SNX18: variants seen among roughly 807,000 people sequenced by gnomAD.
SNX18 encodes sorting nexin 18.
Under a neutral mutation model 48.7 loss-of-function variants are expected in SNX18, and 35 were observed. The ratio of observed to expected loss-of-function variants is 0.72; its 90% CI spans 0.55 to 0.95. The LOEUF (loss-of-function observed/expected upper bound fraction) is 0.95, where lower values mean the gene tolerates loss of function less well. Ranked by LOEUF, SNX18 falls within the 40% of genes least tolerant of loss-of-function variation. The pLI is 0.00. For missense variants in SNX18, 824 were observed against 871.0 expected (o/e 0.95, Z 0.68); for synonymous variants, 492 against 384.7 (o/e 1.28, Z -3.26).
At chr5:54,644,933 T>A in the SNX18 span, 1 of 152,232 alleles carries the variant, frequency 6.6e-6, no homozygotes, top group Non-Finnish European at 1.5e-5. Context: ...TCTTACTTTA[T>A]GGACCAAGAG....
At chr5:54,616,838 G>T in the SNX18 span, among the ~76,000 whole-genome samples, 1 of 152,184 alleles carries the variant, frequency 6.6e-6, no homozygotes, top group Middle Eastern at 3.4e-3. Context: ...TTCATAACTT[G>T]CCTGTGTTTT....
At chr5:54,576,937 G>C in the SNX18 span, among the ~76,000 whole-genome samples, 1 of 152,078 alleles carries the variant, frequency 6.6e-6, no homozygotes, top group Admixed American at 6.5e-5. Flanking sequence ...GAGTAGCTGG[G>C]ATTACGGGCG....
intron 1 of SNX18, among the ~76,000 whole-genome samples, chr5:54,542,245 G>A (rs1762485176): frequency 6.6e-6 from 1 of 152,150 alleles, no homozygotes. Context: ...TGCTTTCGGG[G>A]GAGGGCCTGC....
intron 1 of SNX18, among the ~76,000 whole-genome samples, chr5:54,533,720 G>A (rs1023680101): frequency 2.0e-5 from 3 of 152,370 alleles, no homozygotes; most frequent in Non-Finnish European, 4.4e-5. Flanking sequence ...GCACAGGTGT[G>A]CACAGTGCAG....
the SNX18 span, among the ~76,000 whole-genome samples, chr5:54,566,418 C>T: frequency 1.3e-5 from 2 of 152,170 alleles, no homozygotes; most frequent in Non-Finnish European, 2.9e-5. Flanking sequence ...AAATGCCAGC[C>T]AGTACAGGGC....
chr5:54,575,202 C>T, the SNX18 span, among the ~76,000 whole-genome samples: 1 of 151,972 alleles, frequency 6.6e-6, no homozygotes, highest in Non-Finnish European at 1.5e-5. Context: ...AGTCCAGCTA[C>T]CCCAAAGCCA....
At chr5:54,575,368 C>CTT in the SNX18 span, among the ~76,000 whole-genome samples, 303 of 111,678 alleles carry the variant, frequency 2.7e-3, 5 homozygotes, top group African/African-American at 5.7e-3. Context: ...CTCCCCACTG[C>CTT]TTTTTTTTTT....
chr5:54,551,578 C>G (rs1762656487), downstream of SNX18, among the ~76,000 whole-genome samples: 1 of 152,190 alleles, frequency 6.6e-6, no homozygotes, highest in African/African-American at 2.4e-5. Context: ...ATTCTTTGAT[C>G]TACGGAACTC....
chr5:54,560,898 A>G, the SNX18 span, among the ~76,000 whole-genome samples: 1 of 152,210 alleles, frequency 6.6e-6, no homozygotes, highest in Non-Finnish European at 1.5e-5. Context: ...ACCCAAATCC[A>G]TGTTCCTCTT....
chr5:54,518,222 T>A lies in SNX18; in HGVS notation c.270T>A (p.Pro90=). ...NVPPGGFEPL[P]VAPPASFKPP... is the part of the protein sequence containing the mutation. ...CCCCCGGGGGCTTCGAGCCCCTGCC[T>A]GTCGCGCCCCCCGCCTCCTTCAAGC... Residue 90 remains proline (P), a synonymous_variant, in exon 1 of 2, where the codon CCT becomes CCA. Coordinates refer to ENST00000381410, the MANE Select transcript of SNX18 (RefSeq NM_001102575.2). 7.1e-7 allele frequency: 1 copy of A among 1,406,214 alleles called. No individual in the cohort carries two copies. 87.1% of individuals were successfully genotyped at this position (1,406,214 alleles called of 1,614,324 possible). A position where few individuals can be genotyped will look rare whatever the true frequency, so the allele number is the denominator to read the frequency against.
chr5:54,563,858 A>G, the SNX18 span, among the ~76,000 whole-genome samples: 1 of 151,918 alleles, frequency 6.6e-6, no homozygotes, highest in Admixed American at 6.6e-5. Flanking sequence ...TAACATATAT[A>G]TTATTTATAT....
the SNX18 span, among the ~76,000 whole-genome samples, chr5:54,553,270 G>A: frequency 6.6e-6 from 1 of 152,222 alleles, no homozygotes; most frequent in Admixed American, 6.5e-5. Flanking sequence ...CAGAAGCAGA[G>A]ACCACATTGG....
chr5:54,634,551 A>G, the SNX18 span, among the ~76,000 whole-genome samples: 1 of 152,022 alleles, frequency 6.6e-6, no homozygotes, highest in African/African-American at 2.4e-5. Context: ...TCAGCTCATC[A>G]GCGATCCTTA....
the SNX18 span, among the ~76,000 whole-genome samples, chr5:54,640,619 G>A: frequency 8.5e-5 from 13 of 152,280 alleles, no homozygotes; most frequent in East Asian, 7.7e-4. Flanking sequence ...TCATAAAATC[G>A]TGCACCCTTT....
the SNX18 span, among the ~76,000 whole-genome samples, chr5:54,563,515 G>A: frequency 6.6e-6 from 1 of 152,244 alleles, no homozygotes; most frequent in Admixed American, 6.5e-5. Flanking sequence ...TAGGTGTGCA[G>A]TAGACTATTC....
chr5:54,544,643 C>G lies in SNX18; in HGVS notation c.*1211C>G, dbSNP rs994522477. 2.9e-5 allele frequency: 4 copies of G among 137,216 alleles called. No homozygotes were observed. Among genetic ancestry groups the G allele is most frequent in the Admixed American group, 1.5e-4 (2 of 13,568 alleles). 8.5% of individuals were successfully genotyped at this position (137,216 alleles called of 1,614,324 possible). A position where few individuals can be genotyped will look rare whatever the true frequency, so the allele number is the denominator to read the frequency against. ...AAAAAAGGTATTGATGAGCCCCCCC[C>G]CCCCAGGACATTTAACCTTAAAATT... On this transcript the variant is annotated 3_prime_UTR_variant, in exon 2 of 2. Coordinates refer to ENST00000381410, the MANE Select transcript of SNX18 (RefSeq NM_001102575.2).
the SNX18 span, among the ~76,000 whole-genome samples, chr5:54,601,965 T>C: frequency 6.6e-6 from 1 of 152,226 alleles, no homozygotes; most frequent in Non-Finnish European, 1.5e-5. Context: ...GAGTTTTTCA[T>C]AATTCCCTAT....
In SNX18 at chr5:54,518,042, C is replaced by T. The variant is rs563818865; in HGVS notation, c.90C>T (p.Cys30=). Residue 30 remains cysteine (C), a synonymous_variant, in exon 1 of 2, where the codon TGC becomes TGT. Transcript: ENST00000381410. ...SLREHEVLSL[C]SEQDIEGWLE... ...GAGAGCACGAGGTGCTGAGCCTGTG[C>T]AGCGAGCAGGACATCGAGGGCTGGC... The T allele has an allele frequency of 3.9e-6, 6 of 1,547,462 alleles. No homozygotes were observed. In the African/African-American group the frequency reaches 5.7e-5, roughly 15 times the overall value.
At chr5:54,565,291 C>T in the SNX18 span, among the ~76,000 whole-genome samples, 1 of 152,126 alleles carries the variant, frequency 6.6e-6, no homozygotes, top group Non-Finnish European at 1.5e-5. Context: ...TTCTAGGAGT[C>T]CATCCCGTAG....
Sources: allele counts gnomAD v4.1 joint callset (sites outside exome capture counted in the v4.1 genomes callset), GRCh38; gene constraint gnomAD v4.1.1; transcripts MANE v1.5; gene names NCBI Gene and HGNC (gene_info 2026-07-23, HGNC 2026-07-21).